The following DPP10 variants were observed in gnomAD, a reference collection of about 807,000 sequenced individuals.
DPP10 encodes inactive dipeptidyl peptidase 10.
A neutral mutation model predicts 120.9 loss-of-function variants in DPP10; 33 were observed. The ratio of observed to expected loss-of-function variants is 0.27; its 90% CI spans 0.21 to 0.37. The LOEUF is 0.37. Ranked by LOEUF, DPP10 falls within the 10% of genes least tolerant of loss-of-function variation. The probability of loss-of-function intolerance (pLI) is 1.00; values close to 1 mark genes in which losing one functional copy is unlikely to be tolerated. For missense variants in DPP10, 816 were observed against 942.8 expected (o/e 0.87, Z 1.76); for synonymous variants, 337 against 326.1 (o/e 1.03, Z -0.36).
intron 1 of DPP10, among the ~76,000 whole-genome samples, chr2:114,797,686 C>CATAA (rs1683832825): frequency 1.3e-5 from 2 of 152,092 alleles, no homozygotes; most frequent in African/African-American, 2.4e-5. Flanking sequence ...GAAATGACTT[C>CATAA]ATAAATAAAT....
At chr2:115,351,876 A>G (rs911119378) in intron 3 of DPP10, among the ~76,000 whole-genome samples, 13 of 152,100 alleles carry the variant, frequency 8.5e-5, no homozygotes, top group African/African-American at 3.1e-4. Context: ...AACTGTTTGA[A>G]ATCAATAAAA....
At chr2:115,311,639 C>T (rs1319690703) in intron 2 of DPP10, among the ~76,000 whole-genome samples, 6 of 152,198 alleles carry the variant, frequency 3.9e-5, no homozygotes, top group African/African-American at 1.2e-4. Context: ...TTATAACTTT[C>T]ACCTCCAATC....
intron 1 of DPP10, among the ~76,000 whole-genome samples, chr2:114,521,968 C>T (rs1476157341): frequency 1.6e-4 from 22 of 137,286 alleles, no homozygotes; most frequent in Admixed American, 3.0e-4. Context: ...CCACCGCGCC[C>T]GGCTAATTTT....
chr2:115,408,032 G>A (rs1249709907), intron 3 of DPP10, among the ~76,000 whole-genome samples: 1 of 151,942 alleles, frequency 6.6e-6, no homozygotes, highest in Non-Finnish European at 1.5e-5. Flanking sequence ...ACGTGAGGGA[G>A]GGAAAATGAA....
At chr2:115,620,454 C>T (rs1353755251) in intron 5 of DPP10, among the ~76,000 whole-genome samples, 1 of 152,138 alleles carries the variant, frequency 6.6e-6, no homozygotes, top group East Asian at 1.9e-4. Context: ...TCTGGGAGAA[C>T]AGGGCAAAAC....
intron 1 of DPP10, among the ~76,000 whole-genome samples, chr2:114,452,747 A>G (rs1678359148): frequency 6.6e-6 from 1 of 152,184 alleles, no homozygotes. Context: ...GTCCCTTAGT[A>G]GAACACCTCC....
intron 3 of DPP10, among the ~76,000 whole-genome samples, chr2:115,462,459 A>G (rs779468693): frequency 6.6e-6 from 1 of 152,074 alleles, no homozygotes; most frequent in South Asian, 2.1e-4. Context: ...CCCATTTCCT[A>G]AAAGGTTAGA....
At chr2:115,187,514 T>C (rs2054551794) in intron 1 of DPP10, among the ~76,000 whole-genome samples, 1 of 152,026 alleles carries the variant, frequency 6.6e-6, no homozygotes, top group African/African-American at 2.4e-5. Flanking sequence ...GTCGTGAAAA[T>C]TGTGAAAGTG....
At chr2:115,407,024 A>G (rs552681907) in intron 3 of DPP10, among the ~76,000 whole-genome samples, 2 of 152,332 alleles carry the variant, frequency 1.3e-5, no homozygotes, top group African/African-American at 4.8e-5. Flanking sequence ...ATGAAAATAA[A>G]AAAAACCCTG....
intron 1 of DPP10, among the ~76,000 whole-genome samples, chr2:114,449,367 T>G (rs1678122548): frequency 6.6e-6 from 1 of 152,092 alleles, no homozygotes; most frequent in Admixed American, 6.6e-5. Context: ...AATATTACAT[T>G]AGCAGAACAA....
intron 1 of DPP10, among the ~76,000 whole-genome samples, chr2:115,102,436 G>C (rs983685156): frequency 2.0e-5 from 3 of 151,758 alleles, no homozygotes; most frequent in East Asian, 1.9e-4. Context: ...TTTGAGATAG[G>C]GTCTCACTCT....
intron 5 of DPP10, among the ~76,000 whole-genome samples, chr2:115,586,274 C>G (rs1194739177): frequency 6.6e-6 from 1 of 152,168 alleles, no homozygotes; most frequent in African/African-American, 2.4e-5. Flanking sequence ...TTGCAATGAG[C>G]TGAGATCGTG....
intron 1 of DPP10, among the ~76,000 whole-genome samples, chr2:115,226,181 CT>C (rs2057425332): frequency 6.6e-6 from 1 of 152,054 alleles, no homozygotes; most frequent in Non-Finnish European, 1.5e-5. Context: ...TGGCAACATT[CT>C]CATAGTGGGT....
intron 1 of DPP10, among the ~76,000 whole-genome samples, chr2:114,796,640 A>G (rs1683742397): frequency 6.6e-6 from 1 of 152,168 alleles, no homozygotes; most frequent in African/African-American, 2.4e-5. Context: ...CATGTTATTT[A>G]GCTGTATAGC....
intron 1 of DPP10, among the ~76,000 whole-genome samples, chr2:114,911,074 C>G (rs2106635346): frequency 6.6e-6 from 1 of 152,220 alleles, no homozygotes; most frequent in Non-Finnish European, 1.5e-5. Flanking sequence ...CTCTTTATTC[C>G]TTCACGTGAC....
At chr2:114,732,630 A>G (rs1677028657) in intron 1 of DPP10, among the ~76,000 whole-genome samples, 1 of 152,326 alleles carries the variant, frequency 6.6e-6, no homozygotes, top group South Asian at 2.1e-4. Flanking sequence ...CGTAATTTGC[A>G]TTTTAGAAAA....
intron 1 of DPP10, among the ~76,000 whole-genome samples, chr2:114,591,353 A>T (rs1463582654): frequency 1.3e-5 from 2 of 152,178 alleles, no homozygotes; most frequent in Admixed American, 1.3e-4. Context: ...AAGCAAAGTC[A>T]TGGGTGGGAA....
At chr2:114,566,880 C>T (rs761850893) in intron 1 of DPP10, among the ~76,000 whole-genome samples, 4 of 152,186 alleles carry the variant, frequency 2.6e-5, no homozygotes, top group Non-Finnish European at 5.9e-5. Flanking sequence ...TGTAAGATCC[C>T]TCCAACCTCT....
chr2:114,560,686 C>T (rs1688698669), intron 1 of DPP10, among the ~76,000 whole-genome samples: 1 of 152,184 alleles, frequency 6.6e-6, no homozygotes, highest in Non-Finnish European at 1.5e-5. Context: ...CCTCAGTTCT[C>T]AGTCACTAAG....
Sources: gnomAD v4.1 joint callset for allele counts (sites outside exome capture counted in the v4.1 genomes callset) on GRCh38, gnomAD v4.1.1 for gene constraint, MANE v1.5 for transcripts, NCBI Gene and HGNC (gene_info 2026-07-23, HGNC 2026-07-21) for gene names.